PDZRN3: variants seen among roughly 807,000 people sequenced by gnomAD.
PDZRN3 encodes E3 ubiquitin-protein ligase PDZRN3.
A neutral mutation model predicts 85.7 loss-of-function variants in PDZRN3; 38 were observed. That is an observed-to-expected ratio of 0.44 (90% CI 0.34 to 0.58). The LOEUF (loss-of-function observed/expected upper bound fraction) is 0.58, where lower values mean the gene tolerates loss of function less well. PDZRN3 is among the 20% of genes least tolerant of loss of function. The pLI, the probability that PDZRN3 is intolerant of heterozygous loss-of-function variation, is 0.01. For missense variants in PDZRN3, 1,629 were observed against 1,506.4 expected, an observed-to-expected ratio of 1.08 and a Z score of -1.35; for synonymous variants, 759 against 638.0, an observed-to-expected ratio of 1.19 and a Z score of -2.86.
At chr3:73,544,205 C>T (rs749172161) in intron 3 of PDZRN3, among the ~76,000 whole-genome samples, 1 of 152,196 alleles carries the variant, frequency 6.6e-6, no homozygotes, top group Non-Finnish European at 1.5e-5. Context: ...AACTCTGTCT[C>T]AAAAACAAAG....
At chr3:73,573,689 G>A (rs1422999810) in intron 3 of PDZRN3, among the ~76,000 whole-genome samples, 1 of 152,066 alleles carries the variant, frequency 6.6e-6, no homozygotes, top group African/African-American at 2.4e-5. Flanking sequence ...GTCAGAGATG[G>A]TTTTCATTTT....
At chr3:73,389,399 T>C (rs1701471564) in intron 7 of PDZRN3, among the ~76,000 whole-genome samples, 1 of 152,200 alleles carries the variant, frequency 6.6e-6, no homozygotes, top group African/African-American at 2.4e-5. Flanking sequence ...TGTTCCCCTT[T>C]TATGGACGAG....
At chr3:73,553,094 T>C (rs942820894) in intron 3 of PDZRN3, among the ~76,000 whole-genome samples, 5 of 152,316 alleles carry the variant, frequency 3.3e-5, no homozygotes, top group Admixed American at 2.6e-4. Context: ...GGGAAAGTGT[T>C]TTGAAAATGT....
In PDZRN3 at chr3:73,383,191, T is replaced by C. The variant is rs1576011843; in HGVS notation, c.*174A>G. 3.6e-6 allele frequency: 2 copies of C among 563,254 alleles called. No individual in the cohort carries two copies. The highest frequency in any genetic ancestry group is 5.8e-5 in the East Asian group (2 of 34,490). 34.9% of individuals were successfully genotyped at this position (563,254 alleles called of 1,614,324 possible). A position where few individuals can be genotyped will look rare whatever the true frequency, so the allele number is the denominator to read the frequency against. On this transcript the variant is annotated 3_prime_UTR_variant, in exon 10 of 10. Coordinates refer to ENST00000263666, the MANE Select transcript of PDZRN3 (RefSeq NM_015009.3). ...CCAAGATAGTAAGGGTGTTTTTCTC[T>C]CTCTTCCCTTAAAATAGACCTATGA...
chr3:73,427,516 G>T (rs1353587158), intron 3 of PDZRN3, among the ~76,000 whole-genome samples: 1 of 152,124 alleles, frequency 6.6e-6, no homozygotes, highest in African/African-American at 2.4e-5. Flanking sequence ...ATTAAAGCTG[G>T]ATTTTTTCAC....
rs200108102 is a variant in PDZRN3 at position 73,620,871 on chromosome 3, C to T, written c.723+3232G>A. ...GATTACAGGCGTGAGCCACTGAGCCCGGCCTAGGCAGTCTGGGTTTTAAAA... is the reference window on the plus strand; with the variant it reads ...GATTACAGGCGTGAGCCACTGAGCCTGGCCTAGGCAGTCTGGGTTTTAAAA... On this transcript the variant is annotated intron_variant, in intron 1 of 9. Coordinates refer to ENST00000263666, the MANE Select transcript of PDZRN3 (RefSeq NM_015009.3). Among the ~76,000 whole-genome samples the T allele has an allele frequency of 2.9e-4, 44 of 151,572 alleles. No homozygotes were observed. In the East Asian group the frequency reaches 5.7e-3, roughly 20 times the overall value.
At chr3:73,607,970 C>G (rs374751227) in intron 2 of PDZRN3, among the ~76,000 whole-genome samples, 4 of 152,200 alleles carry the variant, frequency 2.6e-5, no homozygotes, top group African/African-American at 9.7e-5. Flanking sequence ...TTCAGATAAT[C>G]CCCCTTGAAG....
At chr3:73,495,185 T>C (rs1358258155) in intron 3 of PDZRN3, among the ~76,000 whole-genome samples, 1 of 152,190 alleles carries the variant, frequency 6.6e-6, no homozygotes, top group Non-Finnish European at 1.5e-5. Flanking sequence ...AAAACAATCA[T>C]TTTACAAAAT....
chr3:73,500,732 A>C (rs945278300), intron 3 of PDZRN3, among the ~76,000 whole-genome samples: 2 of 151,958 alleles, frequency 1.3e-5, no homozygotes, highest in African/African-American at 4.8e-5. Flanking sequence ...CCTTTAAACC[A>C]CCTAAAAATT....
intron 3 of PDZRN3, among the ~76,000 whole-genome samples, chr3:73,478,042 A>T (rs895324411): frequency 2.6e-5 from 4 of 152,226 alleles, no homozygotes; most frequent in Admixed American, 2.6e-4. Context: ...ATTACAATTC[A>T]AGATGAGATT....
chr3:73,618,817 C>G (rs1287533021), intron 1 of PDZRN3, among the ~76,000 whole-genome samples: 2 of 152,164 alleles, frequency 1.3e-5, no homozygotes, highest in African/African-American at 4.8e-5. Flanking sequence ...CCTAATTTTC[C>G]TTATAAATCA....
At chr3:73,480,284 T>C (rs1453890853) in intron 3 of PDZRN3, among the ~76,000 whole-genome samples, 1 of 152,202 alleles carries the variant, frequency 6.6e-6, no homozygotes, top group African/African-American at 2.4e-5. Flanking sequence ...TCTCAGAGGT[T>C]AGCACCTGGG....
At chr3:73,515,572 T>C (rs1704243113) in intron 3 of PDZRN3, among the ~76,000 whole-genome samples, 1 of 152,118 alleles carries the variant, frequency 6.6e-6, no homozygotes, top group African/African-American at 2.4e-5. Flanking sequence ...CGTTACAGAA[T>C]CTCTATTTCA....
intron 3 of PDZRN3, among the ~76,000 whole-genome samples, chr3:73,423,074 C>A (rs1433987187): frequency 6.6e-6 from 1 of 152,146 alleles, no homozygotes; most frequent in African/African-American, 2.4e-5. Context: ...CATCCCCTAA[C>A]TAGATAAAAG....
At chr3:73,597,277 C>A (rs1317547719) in intron 3 of PDZRN3, among the ~76,000 whole-genome samples, 1 of 152,110 alleles carries the variant, frequency 6.6e-6, no homozygotes, top group Non-Finnish European at 1.5e-5. Flanking sequence ...TTCTAGCTGA[C>A]CCTGTAACAA....
intron 3 of PDZRN3, among the ~76,000 whole-genome samples, chr3:73,473,250 T>A (rs1246478916): frequency 6.6e-6 from 1 of 152,196 alleles, no homozygotes; most frequent in East Asian, 1.9e-4. Context: ...AGAAATATTT[T>A]TTTTTCTCTT....
At chr3:73,401,066 C>G (rs1701739115) in intron 4 of PDZRN3, 57 bp from the exon 5 acceptor site, 1 of 1,302,794 alleles carries the variant, frequency 7.7e-7, no homozygotes, top group African/African-American at 1.4e-5. Context: ...ATCTGTTTTT[C>G]TTACACCCAT....
At chr3:73,463,973 CTTTTT>C (rs150180266) in intron 3 of PDZRN3, among the ~76,000 whole-genome samples, 1 of 151,966 alleles carries the variant, frequency 6.6e-6, no homozygotes, top group Admixed American at 6.6e-5. Context: ...GCTATGTATT[CTTTTT>C]TATTTTTTAT....
chr3:73,513,227 T>C (rs781582581), intron 3 of PDZRN3, among the ~76,000 whole-genome samples: 3 of 152,134 alleles, frequency 2.0e-5, no homozygotes, highest in Non-Finnish European at 4.4e-5. Context: ...TTGCTACGAG[T>C]GAGCTGCTGT....
Sources: allele counts gnomAD v4.1 joint callset (sites outside exome capture counted in the v4.1 genomes callset), GRCh38; gene constraint gnomAD v4.1.1; transcripts MANE v1.5; gene names NCBI Gene and HGNC (gene_info 2026-07-23, HGNC 2026-07-21).